PSMD1: variants seen among roughly 807,000 people sequenced by gnomAD.
PSMD1 encodes the protein 26S proteasome non-ATPase regulatory subunit 1.
Under a neutral mutation model 119.0 loss-of-function variants are expected in PSMD1, and 18 were observed. The observed-to-expected ratio is 0.15, with a 90% confidence interval of 0.10 to 0.22. The LOEUF (loss-of-function observed/expected upper bound fraction) is 0.22, where lower values mean the gene tolerates loss of function less well. Ranked by LOEUF, PSMD1 falls within the 10% of genes least tolerant of loss-of-function variation. The pLI is 1.00. For missense variants in PSMD1, 702 were observed against 1,158.5 expected, an observed-to-expected ratio of 0.61 and a Z score of 5.72; for synonymous variants, 374 against 396.6, an observed-to-expected ratio of 0.94 and a Z score of 0.68.
At chr2:231,075,677 T>C in intron 8 of PSMD1, 106 bp downstream of exon 8, 1 of 981,356 alleles carries the variant, frequency 1.0e-6, no homozygotes, top group Non-Finnish European at 1.5e-6. Flanking sequence ...CCTCCCAGGC[T>C]CAAGCTTTCC....
chr2:231,097,380 G>A (rs1390109498), intron 16 of PSMD1, among the ~76,000 whole-genome samples: 3 of 152,242 alleles, frequency 2.0e-5, no homozygotes, highest in African/African-American at 7.2e-5. Flanking sequence ...ATTGGATAGA[G>A]CAGTCAGACC....
chr2:231,100,868 A>G (rs771488942), intron 16 of PSMD1, among the ~76,000 whole-genome samples: 4 of 152,306 alleles, frequency 2.6e-5, no homozygotes, highest in Middle Eastern at 3.4e-3. Context: ...GTGGGCACCA[A>G]TGACTTACTG....
At chr2:231,171,657 A>C in intron 24 of PSMD1, among the ~76,000 whole-genome samples, 1 of 151,252 alleles carries the variant, frequency 6.6e-6, no homozygotes. Context: ...CCTGGGTTCA[A>C]GCGATTCTCC....
In PSMD1 at chr2:231,108,590, A is replaced by G. The variant is rs773307461; in HGVS notation, c.1883+21409A>G. On this transcript the variant is annotated intron_variant, in intron 16 of 24. Transcript: ENST00000308696. ...GAGGAGAAGCGTATCTAGTAGAATGATTGATGAAGACTGAATGGTTGAACT... is the reference window on the plus strand; with the variant it reads ...GAGGAGAAGCGTATCTAGTAGAATGGTTGATGAAGACTGAATGGTTGAACT... 36 of 1,613,856 alleles carry G rather than the reference A, an allele frequency of 2.2e-5. No individual in the cohort carries two copies. The South Asian group carries it at 2.7e-4, about 12-fold the overall frequency.
intron 1 of PSMD1, among the ~76,000 whole-genome samples, chr2:231,059,464 T>C (rs546460437): frequency 6.6e-6 from 1 of 152,284 alleles, no homozygotes; most frequent in Admixed American, 6.5e-5. Flanking sequence ...ATTAGTTTTT[T>C]CCAAGAGGTT....
chr2:231,165,822 G>T, intron 22 of PSMD1, 49 bp from the exon 23 acceptor site: 1 of 1,438,846 alleles, frequency 7.0e-7, no homozygotes. Context: ...TCAGTTCTGT[G>T]GAACAGAAAT....
At position 231,080,140 on chromosome 2, in the gene PSMD1, G is replaced by T; in HGVS notation, c.1240-1G>T. The T allele has an allele frequency of 6.2e-7, 1 of 1,603,616 alleles. No individual in the cohort carries two copies. The highest frequency in any genetic ancestry group is 8.5e-7 in the Non-Finnish European group (1 of 1,175,584). Reference sequence around the variant, plus strand: ...GTCTTTGTTATGACTTACCTTTACAGGGTCATGAAAAAGAAGCATTACAGT... The same window carrying T: ...GTCTTTGTTATGACTTACCTTTACATGGTCATGAAAAAGAAGCATTACAGT... On this transcript the variant is annotated splice_acceptor_variant, in intron 11 of 24. Coordinates refer to ENST00000308696, the MANE Select transcript of PSMD1 (RefSeq NM_002807.4). LOFTEE classifies it high-confidence loss of function.
chr2:231,089,650 G>C (rs1489261353), intron 16 of PSMD1, among the ~76,000 whole-genome samples: 1 of 151,656 alleles, frequency 6.6e-6, no homozygotes, highest in Non-Finnish European at 1.5e-5. Flanking sequence ...ACAATCACAA[G>C]GTCCCACAAT....
chr2:231,153,465 G>C, intron 18 of PSMD1, 99 bp from the exon 19 acceptor site: 1 of 890,144 alleles, frequency 1.1e-6, no homozygotes, highest in Non-Finnish European at 1.8e-6. Context: ...ACGAAACTCA[G>C]AACTAACTCA....
intron 16 of PSMD1, among the ~76,000 whole-genome samples, chr2:231,093,731 C>G (rs1197683890): frequency 2.6e-5 from 4 of 152,022 alleles, no homozygotes; most frequent in African/African-American, 9.7e-5. Context: ...AAGGCTTGTG[C>G]CAGTAGTGTT....
At chr2:231,137,554 A>G (rs1696004024) in intron 16 of PSMD1, among the ~76,000 whole-genome samples, 1 of 151,668 alleles carries the variant, frequency 6.6e-6, no homozygotes, top group African/African-American at 2.4e-5. Context: ...TGTAATTTCA[A>G]CTTTTATCTT....
intron 1 of PSMD1, among the ~76,000 whole-genome samples, chr2:231,057,764 C>G (rs550643953): frequency 3.2e-4 from 49 of 152,372 alleles, no homozygotes; most frequent in Non-Finnish European, 6.2e-4. Context: ...TAGGTAGATT[C>G]ACGTAGTGAC....
chr2:231,146,842 G>T lies in PSMD1; in HGVS notation c.2115+486G>T, dbSNP rs540199947. Among the ~76,000 whole-genome samples the T allele has an allele frequency of 1.4e-4, 21 of 152,232 alleles. 1 individual carries two copies. In the East Asian group the frequency reaches 2.7e-3, roughly 20 times the overall value. Reference sequence around the variant, plus strand: ...CCACATTCTCTTTTGGAATGTCATTGCCCTCCTAGGCGATCTTTTTGGGTG... The same window carrying T: ...CCACATTCTCTTTTGGAATGTCATTTCCCTCCTAGGCGATCTTTTTGGGTG... On this transcript the variant is annotated intron_variant, in intron 18 of 24. Coordinates refer to ENST00000308696, the MANE Select transcript of PSMD1 (RefSeq NM_002807.4).
intron 18 of PSMD1, among the ~76,000 whole-genome samples, chr2:231,148,080 G>A (rs763410627): frequency 1.4e-4 from 22 of 152,236 alleles, no homozygotes; most frequent in African/African-American, 4.6e-4. Context: ...TTTTTATAAC[G>A]TATTACTTAA....
intron 19 of PSMD1, among the ~76,000 whole-genome samples, chr2:231,156,628 CTG>C (rs1433508320): frequency 2.6e-5 from 4 of 152,020 alleles, no homozygotes; most frequent in Non-Finnish European, 4.4e-5. Flanking sequence ...TTTTCAATGT[CTG>C]TGGAATCTGT....
intron 16 of PSMD1, among the ~76,000 whole-genome samples, chr2:231,097,245 G>C (rs1356858973): frequency 6.6e-6 from 1 of 152,182 alleles, no homozygotes; most frequent in African/African-American, 2.4e-5. Flanking sequence ...CACCCAACAA[G>C]AATAATTACC....
chr2:231,165,319 G>A, intron 22 of PSMD1, 33 bp downstream of exon 22: 1 of 1,549,448 alleles, frequency 6.5e-7, no homozygotes. Flanking sequence ...ATGGATTGAA[G>A]TATCTCTGTC....
chr2:231,062,542 G>C lies in PSMD1; in HGVS notation c.171G>C (p.Arg57=). ...ACGAAGATGAAGGTTTCCGGAGTCG[G>C]CAGTTTGCAGCCTTAGTGGCATCTA... ...VLYEDEGFRS[R]QFAALVASKV... The change falls in exon 4 of 25, where the codon CGG becomes CGC. Residue 57 remains arginine (R), a synonymous_variant. Coordinates refer to ENST00000308696, the MANE Select transcript of PSMD1 (RefSeq NM_002807.4). The C allele has an allele frequency of 6.2e-7, 1 of 1,604,006 alleles. No homozygotes were observed. The highest frequency in any genetic ancestry group is 1.3e-5 in the African/African-American group (1 of 74,132).
chr2:231,166,122 C>A, intron 23 of PSMD1, 105 bp downstream of exon 23: 7 of 1,077,912 alleles, frequency 6.5e-6, no homozygotes, highest in Middle Eastern at 2.2e-4. Flanking sequence ...TTGGAGCAAG[C>A]TCACTAGTTC....
Sources: allele counts gnomAD v4.1 joint callset (sites outside exome capture counted in the v4.1 genomes callset), GRCh38; gene constraint gnomAD v4.1.1; transcripts MANE v1.5; gene names NCBI Gene and HGNC (gene_info 2026-07-23, HGNC 2026-07-21).